Variants in GUCY1A2 observed in about 807,000 individuals in gnomAD.
GUCY1A2 encodes guanylate cyclase 1 soluble subunit alpha 2.
A neutral mutation model predicts 63.5 loss-of-function variants in GUCY1A2; 27 were observed. That is an observed-to-expected ratio of 0.43 (90% CI 0.31 to 0.59). GUCY1A2 has a LOEUF of 0.59. Ranked by LOEUF, GUCY1A2 falls within the 20% of genes least tolerant of loss-of-function variation. The pLI is 0.11. For missense variants in GUCY1A2, 768 were observed against 913.3 expected, an observed-to-expected ratio of 0.84 and a Z score of 2.05; for synonymous variants, 364 against 343.5, an observed-to-expected ratio of 1.06 and a Z score of -0.66.
At chr11:107,011,623 A>G (rs1192487133) in intron 1 of GUCY1A2, among the ~76,000 whole-genome samples, 1 of 147,066 alleles carries the variant, frequency 6.8e-6, no homozygotes, top group African/African-American at 2.5e-5. Context: ...AAAAAGGAGT[A>G]TATAATATAT....
At chr11:106,772,641 C>T (rs1864277835) in intron 6 of GUCY1A2, among the ~76,000 whole-genome samples, 1 of 152,066 alleles carries the variant, frequency 6.6e-6, no homozygotes, top group Non-Finnish European at 1.5e-5. Context: ...AATATTAAAT[C>T]CCACAAATGA....
At chr11:106,964,120 A>G (rs1861096425) in intron 3 of GUCY1A2, among the ~76,000 whole-genome samples, 1 of 151,950 alleles carries the variant, frequency 6.6e-6, no homozygotes, top group Non-Finnish European at 1.5e-5. Context: ...CTTCATCCCT[A>G]ATACTTCCTT....
intron 3 of GUCY1A2, among the ~76,000 whole-genome samples, chr11:106,958,532 T>G (rs1487137623): frequency 1.3e-5 from 2 of 152,100 alleles, no homozygotes; most frequent in Non-Finnish European, 2.9e-5. Flanking sequence ...TCTCATGTTC[T>G]CCTGTCTTTT....
At chr11:106,936,711 C>T (rs747033805) in intron 4 of GUCY1A2, 5 of 1,478,786 alleles carry the variant, frequency 3.4e-6, no homozygotes, top group East Asian at 5.0e-5. Context: ...GACATGCTTG[C>T]TCTTGATTTT....
chr11:106,943,536 T>C (rs1028226503), intron 3 of GUCY1A2, among the ~76,000 whole-genome samples: 18 of 152,360 alleles, frequency 1.2e-4, no homozygotes, highest in African/African-American at 4.1e-4. Context: ...TCTGGCCCTG[T>C]TGTCTCTCAT....
chr11:106,839,291 T>C (rs1468617809), intron 4 of GUCY1A2, among the ~76,000 whole-genome samples: 2 of 151,922 alleles, frequency 1.3e-5, no homozygotes, highest in Non-Finnish European at 2.9e-5. Flanking sequence ...GTTGTAGATG[T>C]GTGGTATTAT....
rs998819896 is a variant in GUCY1A2, at chr11:106,683,886, G to A, written c.*3663C>T. ...TTTAGATACACAATTTCATTCAGCA[G>A]CAGTATGATTCTATACAAAACACAG... On this transcript the variant is annotated 3_prime_UTR_variant, in exon 8 of 8. Coordinates refer to ENST00000526355, the MANE Select transcript of GUCY1A2 (RefSeq NM_000855.3). The A allele has an allele frequency of 4.9e-6, 1 of 202,940 alleles. No individual in the cohort carries two copies. The highest frequency in any genetic ancestry group is 2.3e-5 in the African/African-American group (1 of 43,556). The allele number at this position is 202,940 out of a possible 1,614,324, so 12.6% of individuals were successfully genotyped here. A position where few individuals can be genotyped will look rare whatever the true frequency, so the allele number is the denominator to read the frequency against.
chr11:106,786,768 C>T (rs566555481), intron 5 of GUCY1A2, among the ~76,000 whole-genome samples: 2 of 152,320 alleles, frequency 1.3e-5, no homozygotes, highest in African/African-American at 2.4e-5. Context: ...CTGTAATTGA[C>T]TCCATGTTCC....
intron 6 of GUCY1A2, among the ~76,000 whole-genome samples, chr11:106,750,051 A>G (rs1863857063): frequency 6.6e-6 from 1 of 152,072 alleles, no homozygotes; most frequent in Admixed American, 6.6e-5. Context: ...ATAATTTCTC[A>G]GTCCAAGTTG....
At chr11:106,913,124 GAT>G (rs34248768) in intron 4 of GUCY1A2, among the ~76,000 whole-genome samples, 101,328 of 147,262 alleles carry the variant, frequency 0.69, 34,335 homozygotes, top group East Asian at 0.76. Flanking sequence ...TTTTTCAAAA[GAT>G]ATATATATAT....
chr11:106,886,103 C>T (rs1028589566), intron 4 of GUCY1A2, among the ~76,000 whole-genome samples: 1 of 152,172 alleles, frequency 6.6e-6, no homozygotes, highest in Non-Finnish European at 1.5e-5. Flanking sequence ...AGAGCCACCA[C>T]TATTAAGTGG....
intron 4 of GUCY1A2, among the ~76,000 whole-genome samples, chr11:106,897,390 C>G (rs1860065184): frequency 6.6e-6 from 1 of 151,982 alleles, no homozygotes; most frequent in Non-Finnish European, 1.5e-5. Flanking sequence ...AAATATACAA[C>G]ACGATATTGA....
rs956230295 is a variant in GUCY1A2, at chr11:106,684,610, G to C, written c.*2939C>G. On this transcript the variant is annotated 3_prime_UTR_variant, in exon 8 of 8. Transcript: ENST00000526355. Reference sequence around the variant, plus strand: ...ATCCTGATACCAACGTGATGCTTTGGTGCTAATGGCTAGTTATAAGGTGCC... The same window carrying C: ...ATCCTGATACCAACGTGATGCTTTGCTGCTAATGGCTAGTTATAAGGTGCC... 5.0e-6 allele frequency: 1 copy of C among 200,392 alleles called. No individual in the cohort carries two copies. Among genetic ancestry groups the C allele is most frequent in the African/African-American group, 2.3e-5 (1 of 43,530 alleles). 12.4% of individuals were successfully genotyped at this position (200,392 alleles called of 1,614,324 possible).
intron 4 of GUCY1A2, among the ~76,000 whole-genome samples, chr11:106,873,948 GCT>G (rs1247981524): frequency 6.6e-6 from 1 of 152,076 alleles, no homozygotes; most frequent in African/African-American, 2.4e-5. Flanking sequence ...TGCCTAGCGT[GCT>G]CTTTGTTTTC....
chr11:106,895,434 C>T (rs892226883), intron 4 of GUCY1A2, among the ~76,000 whole-genome samples: 4 of 152,060 alleles, frequency 2.6e-5, no homozygotes, highest in African/African-American at 9.7e-5. Flanking sequence ...TCCCATAATC[C>T]CCATGTGTCA....
In GUCY1A2 at chr11:106,810,172, G is replaced by C; in HGVS notation, c.1513C>G (p.Gln505Glu). 2 of 1,613,172 alleles carry C rather than the reference G, an allele frequency of 1.2e-6. No homozygotes were observed. Among genetic ancestry groups the C allele is most frequent in the Non-Finnish European group, 1.7e-6 (2 of 1,179,196 alleles). The stretch of plus-strand genomic sequence containing the variant: ...TGTACTTGCTGCCCTTGCCATAATT[G>C]CTGGGCTACATCACCAGGGAAAATA... The part of the protein sequence containing the change: ...YSIFPGDVAQ[Q>E]LWQGQQVQAR... Residue 505 changes from glutamine to glutamate, a missense_variant, in exon 5 of 8, where the codon CAA becomes GAA. This residue lies in a region of GUCY1A2 where 122 missense variants were observed against 238.1 expected (regional missense o/e 0.51). Transcript: ENST00000526355.
At chr11:106,823,412 A>G (rs1358255435) in intron 4 of GUCY1A2, among the ~76,000 whole-genome samples, 2 of 152,202 alleles carry the variant, frequency 1.3e-5, no homozygotes, top group Non-Finnish European at 1.5e-5. Flanking sequence ...ATGTTGCTGC[A>G]AAGGATATGA....
At chr11:106,860,637 GTGCCTGGTGACCCAGATTT>G (rs571145964) in intron 4 of GUCY1A2, among the ~76,000 whole-genome samples, 1 of 151,866 alleles carries the variant, frequency 6.6e-6, no homozygotes, top group Non-Finnish European at 1.5e-5. Context: ...TTCTTTTTAC[GTGCCTGGTGACCCAGATTT>G]TGTGGTCTAT....
intron 4 of GUCY1A2, among the ~76,000 whole-genome samples, chr11:106,882,888 T>TA (rs1292052078): frequency 2.0e-4 from 30 of 152,178 alleles, no homozygotes; most frequent in African/African-American, 7.2e-4. Context: ...TCTGAAACTA[T>TA]AAAACCAACC....
Sources: allele counts gnomAD v4.1 joint callset (sites outside exome capture counted in the v4.1 genomes callset), GRCh38; gene constraint gnomAD v4.1.1; regional missense constraint gnomAD v4.1.1; transcripts MANE v1.5; gene names NCBI Gene and HGNC (gene_info 2026-07-23, HGNC 2026-07-21).